The following TNNI3K variants were observed in gnomAD, a reference collection of about 807,000 sequenced individuals.
The protein encoded by TNNI3K is TNNI3 interacting kinase.
Under a neutral mutation model 114.5 loss-of-function variants are expected in TNNI3K, and 140 were observed. The observed-to-expected ratio is 1.22, with a 90% confidence interval of 1.07 to 1.41. TNNI3K has a LOEUF of 1.41. Among genes scored for constraint, TNNI3K ranks in the 40% most tolerant of loss-of-function variants. TNNI3K has a pLI of 0.00. For synonymous variants in TNNI3K, 347 were observed against 347.5 expected, an observed-to-expected ratio of 1.00 and a Z score of 0.02; for missense variants, 1,125 against 1,007.6, an observed-to-expected ratio of 1.12 and a Z score of -1.58.
intron 23 of TNNI3K, among the ~76,000 whole-genome samples, chr1:74,532,247 A>G (rs1646596929): frequency 6.6e-6 from 1 of 152,180 alleles, no homozygotes; most frequent in African/African-American, 2.4e-5. Flanking sequence ...TGTTGGATAA[A>G]GGAAAGTATC....
In TNNI3K at chr1:74,489,248, G is replaced by T. The variant is rs375893433; in HGVS notation, c.2181G>T (p.Glu727Asp). The change falls in exon 22 of 25, where the codon GAG becomes GAT. Residue 727 changes from glutamate (E) to aspartate (D), a missense_variant and splice_region_variant. Coordinates refer to ENST00000326637, the MANE Select transcript of TNNI3K (RefSeq NM_015978.3). ...TAGAAGAGTGTCTCTGCAACATTGA[G>T]GTAAAAGCTTTAGCTTCTGAAATAT... The part of the protein sequence containing the change: ...MKLEECLCNI[E>D]LMSPASSNSS... The T allele has an allele frequency of 6.2e-7, 1 of 1,609,432 alleles. No homozygotes were observed. The highest frequency in any genetic ancestry group is 8.5e-7 in the Non-Finnish European group (1 of 1,178,012).
intron 5 of TNNI3K, among the ~76,000 whole-genome samples, chr1:74,322,521 C>A (rs1429918469): frequency 6.7e-6 from 1 of 148,700 alleles, no homozygotes; most frequent in Non-Finnish European, 1.5e-5. Flanking sequence ...AGTGCAGTGG[C>A]ACCATCTCGG....
chr1:74,470,197 C>T (rs1238812368), intron 21 of TNNI3K: 2 of 400,564 alleles, frequency 5.0e-6, no homozygotes, highest in East Asian at 7.1e-5. Context: ...ACTTGTGATA[C>T]TTAAATCTTT....
Position 74,271,637 on chromosome 1 carries a change from G to A in TNNI3K, c.373G>A (p.Ala125Thr), listed in dbSNP as rs755405804. 2.5e-6 allele frequency: 4 copies of A among 1,608,936 alleles called. No individual in the cohort carries two copies. The African/African-American group carries it at 5.4e-5, about 22-fold the overall frequency. ...ELITSLLHSG[A>T]DIQQVGYGGL... ...GATCACTTCTCTGCTTCACAGTGGA[G>A]CTGATATACAGCAGGTTGGATACGG... Residue 125 changes from alanine (A) to threonine (T), a missense_variant, in exon 5 of 25, where the codon GCT (alanine) becomes ACT (threonine). By Grantham distance (58) the Ala-to-Thr change is moderately conservative. Transcript: ENST00000326637.
At chr1:74,261,685 T>C (rs1655684967) in intron 4 of TNNI3K, among the ~76,000 whole-genome samples, 1 of 152,160 alleles carries the variant, frequency 6.6e-6, no homozygotes, top group Admixed American at 6.5e-5. Flanking sequence ...TAGCCTTACA[T>C]GTAACTCTCA....
intron 5 of TNNI3K, among the ~76,000 whole-genome samples, chr1:74,281,252 G>C (rs1656995093): frequency 6.6e-6 from 1 of 151,914 alleles, no homozygotes; most frequent in Admixed American, 6.6e-5. Flanking sequence ...CGCAGTCTCA[G>C]CTATAGGAAA....
intron 17 of TNNI3K, among the ~76,000 whole-genome samples, chr1:74,418,962 G>A (rs72969812): frequency 0.021 from 3,229 of 152,134 alleles, 102 homozygotes; most frequent in African/African-American, 0.074. Flanking sequence ...TGCTGTTGCT[G>A]TTTTAAAGTT....
At chr1:74,301,842 A>C (rs1025914020) in intron 5 of TNNI3K, among the ~76,000 whole-genome samples, 1 of 152,192 alleles carries the variant, frequency 6.6e-6, no homozygotes, top group Non-Finnish European at 1.5e-5. Context: ...GAATAAAACT[A>C]TCTGTCAGAG....
intron 4 of TNNI3K, among the ~76,000 whole-genome samples, chr1:74,253,712 T>A (rs1192290734): frequency 6.6e-6 from 1 of 151,180 alleles, no homozygotes; most frequent in East Asian, 2.0e-4. Context: ...GCGGCCCCAG[T>A]TCCTGCCCGT....
intron 21 of TNNI3K, among the ~76,000 whole-genome samples, chr1:74,474,435 A>G (rs1668090180): frequency 6.6e-6 from 1 of 152,104 alleles, no homozygotes; most frequent in Non-Finnish European, 1.5e-5. Flanking sequence ...GAAATAACAT[A>G]TGGTTTTATT....
chr1:74,288,987 GA>G (rs1270790097), intron 5 of TNNI3K, among the ~76,000 whole-genome samples: 2 of 151,952 alleles, frequency 1.3e-5, no homozygotes, highest in African/African-American at 4.8e-5. Context: ...GGGATATGGG[GA>G]AAGAGTGTAT....
intron 17 of TNNI3K, chr1:74,416,479 G>A (rs1665120129): frequency 3.1e-6 from 3 of 976,906 alleles, no homozygotes; most frequent in East Asian, 1.1e-4. Context: ...CTCCCAAAAG[G>A]TAGAGGCTTT....
chr1:74,382,437 G>A (rs186012990), intron 17 of TNNI3K, among the ~76,000 whole-genome samples: 6 of 152,278 alleles, frequency 3.9e-5, no homozygotes, highest in Admixed American at 2.6e-4. Context: ...AGGGTTACCA[G>A]AAAGTCTTGG....
chr1:74,293,995 G>A (rs1191813032), intron 5 of TNNI3K, among the ~76,000 whole-genome samples: 1 of 151,278 alleles, frequency 6.6e-6, no homozygotes. Flanking sequence ...ATTTACATTG[G>A]TTTTGAATGC....
At chr1:74,451,489 A>T (rs78394831) in intron 20 of TNNI3K, among the ~76,000 whole-genome samples, 2,493 of 151,920 alleles carry the variant, frequency 0.016, 65 homozygotes, top group African/African-American at 0.056. Context: ...TACCCCACAA[A>T]CTTACTAAAT....
chr1:74,367,795 C>A, intron 12 of TNNI3K, 113 bp from the exon 13 acceptor site: 1 of 974,014 alleles, frequency 1.0e-6, no homozygotes, highest in Non-Finnish European at 1.5e-6. Context: ...AGATTTGGGC[C>A]TGAAGCGATA....
chr1:74,482,367 C>T (rs1296955674), intron 21 of TNNI3K, among the ~76,000 whole-genome samples: 1 of 152,156 alleles, frequency 6.6e-6, no homozygotes, highest in African/African-American at 2.4e-5. Context: ...ATATTTGTTT[C>T]TTACAGACAT....
intron 11 of TNNI3K, among the ~76,000 whole-genome samples, chr1:74,357,501 G>A (rs968246653): frequency 6.6e-6 from 1 of 152,082 alleles, no homozygotes; most frequent in East Asian, 1.9e-4. Context: ...ATGGCACATT[G>A]AAGTGTGATT....
chr1:74,511,499 A>G (rs1670220789), intron 23 of TNNI3K, among the ~76,000 whole-genome samples: 1 of 152,172 alleles, frequency 6.6e-6, no homozygotes, highest in Non-Finnish European at 1.5e-5. Context: ...GGAAAACACA[A>G]ATGTATGTGT....
Sources: gnomAD v4.1 joint callset for allele counts (sites outside exome capture counted in the v4.1 genomes callset) on GRCh38, gnomAD v4.1.1 for gene constraint, MANE v1.5 for transcripts, NCBI Gene and HGNC (gene_info 2026-07-23, HGNC 2026-07-21) for gene names.